Variants in EPHA6 observed in about 807,000 individuals in gnomAD.
The protein encoded by EPHA6 is EPH receptor A6.
A neutral mutation model predicts 112.0 loss-of-function variants in EPHA6; 50 were observed. The ratio of observed to expected loss-of-function variants is 0.45; its 90% CI spans 0.36 to 0.56. The LOEUF is 0.56. EPHA6 is among the 20% of genes least tolerant of loss of function. The probability of loss-of-function intolerance (pLI) is 0.00; values close to 1 mark genes in which losing one functional copy is unlikely to be tolerated. For missense variants in EPHA6, 1,280 were observed against 1,417.4 expected (o/e 0.90, Z 1.56); for synonymous variants, 529 against 490.7 (o/e 1.08, Z -1.03).
rs966322007 is a variant in EPHA6, at chr3:97,757,842, T to G, written c.*9141T>G. On this transcript the variant is annotated 3_prime_UTR_variant, in exon 18 of 18. Coordinates refer to ENST00000389672, the MANE Select transcript of EPHA6 (RefSeq NM_001080448.3). ...TTTAAAAAAGAGCCATTGTATTTTT[T>G]ATATTTCCATTCAGTCTCATTATGC... Among the ~76,000 whole-genome samples, 1 of 151,932 alleles carries G rather than the reference T, an allele frequency of 6.6e-6. No homozygotes were observed. The highest frequency in any genetic ancestry group is 2.4e-5 in the African/African-American group (1 of 41,444).
At chr3:97,633,000 T>C (rs910283553) in intron 13 of EPHA6, among the ~76,000 whole-genome samples, 5 of 152,072 alleles carry the variant, frequency 3.3e-5, no homozygotes, top group Non-Finnish European at 5.9e-5. Flanking sequence ...CTAAGATGAA[T>C]GGACACTGAG....
At chr3:97,158,741 T>C in intron 3 of EPHA6, among the ~76,000 whole-genome samples, 1 of 152,108 alleles carries the variant, frequency 6.6e-6, no homozygotes, top group East Asian at 1.9e-4. Context: ...GGAATCTGCA[T>C]TTTACATAAG....
At chr3:96,988,909 C>G (rs1331865374) in intron 3 of EPHA6, among the ~76,000 whole-genome samples, 1 of 151,822 alleles carries the variant, frequency 6.6e-6, no homozygotes, top group Non-Finnish European at 1.5e-5. Context: ...GCTTATTTAC[C>G]TAATAAGTAT....
At position 97,208,309 on chromosome 3, in the gene EPHA6, A is replaced by G. The variant is rs149093234; in HGVS notation, c.1115-17955A>G. Among the ~76,000 whole-genome samples the G allele has an allele frequency of 3.4e-3, 514 of 152,328 alleles. 4 individuals are homozygous for G. The highest frequency in any genetic ancestry group is 0.011 in the African/African-American group (465 of 41,582). On this transcript the variant is annotated intron_variant, in intron 3 of 17. Transcript: ENST00000389672. ...CAAAGTTTTGGCAAGCTATTTTAAA[A>G]TATTAATGGAAAGGTGGTAAATAAA...
intron 3 of EPHA6, among the ~76,000 whole-genome samples, chr3:97,139,319 A>C (rs1188521107): frequency 6.6e-6 from 1 of 152,166 alleles, no homozygotes. Flanking sequence ...CAGCCTGCAC[A>C]TACCATTACA....
intron 15 of EPHA6, among the ~76,000 whole-genome samples, chr3:97,731,842 CCT>C (rs2035049775): frequency 6.6e-6 from 1 of 151,926 alleles, no homozygotes; most frequent in African/African-American, 2.4e-5. Flanking sequence ...TCTCCTCTGT[CCT>C]CTCTCTTTAC....
chr3:97,567,304 A>T (rs1386223759), intron 11 of EPHA6, among the ~76,000 whole-genome samples: 1 of 152,222 alleles, frequency 6.6e-6, no homozygotes, highest in Non-Finnish European at 1.5e-5. Context: ...TTGGCAAATA[A>T]AGGCTTGTGT....
At chr3:97,109,799 A>G (rs771690563) in intron 3 of EPHA6, among the ~76,000 whole-genome samples, 16 of 152,254 alleles carry the variant, frequency 1.1e-4, no homozygotes, top group South Asian at 8.3e-4. Flanking sequence ...CCTTATGAAG[A>G]TATGGCCTAG....
At chr3:97,435,063 G>C (rs1195624731) in intron 6 of EPHA6, among the ~76,000 whole-genome samples, 1 of 151,888 alleles carries the variant, frequency 6.6e-6, no homozygotes. Flanking sequence ...TTGAGGCTGG[G>C]CCAGGAACTG....
chr3:96,982,002 C>T (rs550835973), intron 2 of EPHA6, among the ~76,000 whole-genome samples: 4 of 152,100 alleles, frequency 2.6e-5, no homozygotes, highest in Non-Finnish European at 5.9e-5. Context: ...TTTCAAAAAA[C>T]CATCCACTGG....
intron 5 of EPHA6, among the ~76,000 whole-genome samples, chr3:97,351,657 A>G (rs1228212170): frequency 6.6e-6 from 1 of 152,206 alleles, no homozygotes; most frequent in Non-Finnish European, 1.5e-5. Flanking sequence ...AATTAAAAAT[A>G]GAAGTGGATC....
chr3:97,110,239 A>C (rs370659119), intron 3 of EPHA6, among the ~76,000 whole-genome samples: 42 of 152,036 alleles, frequency 2.8e-4, no homozygotes, highest in African/African-American at 1.0e-3. Context: ...AAATTACTTA[A>C]ACATGGTAAT....
rs1472100148 is a variant in EPHA6, at chr3:97,664,076, T to C, written c.2784+25994T>C. Among the ~76,000 whole-genome samples, 3 of 152,360 alleles carry C rather than the reference T, an allele frequency of 2.0e-5. No individual in the cohort carries two copies. The East Asian group carries it at 5.8e-4, about 29-fold the overall frequency. The stretch of plus-strand genomic sequence containing the variant: ...ATTGTGGTTTTGATTTGCATTTCTC[T>C]GATGACCAGTGATGATGAGCATTTT... On this transcript the variant is annotated intron_variant, in intron 14 of 17. Coordinates refer to ENST00000389672, the MANE Select transcript of EPHA6 (RefSeq NM_001080448.3).
chr3:97,557,876 A>T (rs1162180358), intron 11 of EPHA6, among the ~76,000 whole-genome samples: 5 of 151,794 alleles, frequency 3.3e-5, no homozygotes, highest in African/African-American at 1.2e-4. Flanking sequence ...ATATCTCATT[A>T]TAATCCCTTA....
chr3:97,294,480 C>G (rs1482115219), intron 5 of EPHA6, among the ~76,000 whole-genome samples: 1 of 152,074 alleles, frequency 6.6e-6, no homozygotes, highest in Non-Finnish European at 1.5e-5. Context: ...TTCAACCAGT[C>G]TATATTTTTC....
intron 3 of EPHA6, 36 bp from the exon 4 acceptor site, chr3:97,226,228 T>C: frequency 6.4e-7 from 1 of 1,555,114 alleles, no homozygotes; most frequent in Non-Finnish European, 8.7e-7. Context: ...ATCCTAGCAA[T>C]AATAACTAAA....
chr3:97,162,703 A>G (rs1448638825), intron 3 of EPHA6, among the ~76,000 whole-genome samples: 1 of 152,122 alleles, frequency 6.6e-6, no homozygotes, highest in African/African-American at 2.4e-5. Flanking sequence ...GTCCTTCCTC[A>G]AGGGTACCCA....
At chr3:97,285,422 C>T (rs973737003) in intron 5 of EPHA6, among the ~76,000 whole-genome samples, 1 of 152,054 alleles carries the variant, frequency 6.6e-6, no homozygotes, top group African/African-American at 2.4e-5. Flanking sequence ...CTACTCTCTA[C>T]CTCCATGAGA....
At chr3:97,154,662 A>G (rs1052295791) in intron 3 of EPHA6, among the ~76,000 whole-genome samples, 2 of 152,152 alleles carry the variant, frequency 1.3e-5, no homozygotes, top group Non-Finnish European at 2.9e-5. Flanking sequence ...TGCTTGTGTA[A>G]TAATGCTATA....
Sources: gnomAD v4.1 joint callset for allele counts (sites outside exome capture counted in the v4.1 genomes callset) on GRCh38, gnomAD v4.1.1 for gene constraint, MANE v1.5 for transcripts, NCBI Gene and HGNC (gene_info 2026-07-23, HGNC 2026-07-21) for gene names.